RRP36: variants seen among roughly 807,000 people sequenced by gnomAD.
RRP36 encodes the protein ribosomal RNA processing protein 36 homolog.
In RRP36, 44 loss-of-function variants were observed where a neutral mutation model predicts 39.8. That is an observed-to-expected ratio of 1.10 (90% confidence interval 0.87 to 1.42). The LOEUF is 1.42. Ranked by LOEUF, RRP36 falls within the 40% of genes most tolerant of loss-of-function variation. The pLI is 0.00. For missense variants in RRP36, 316 were observed against 322.4 expected (o/e 0.98, Z 0.15); for synonymous variants, 124 against 123.1 (o/e 1.01, Z -0.05).
intron 1 of RRP36, among the ~76,000 whole-genome samples, chr6:43,023,007 C>T (rs1440186078): frequency 2.6e-5 from 4 of 152,302 alleles, no homozygotes; most frequent in East Asian, 3.9e-4. Context: ...CTCAGCCTCC[C>T]AAGGATTACA....
intron 6 of RRP36, 78 bp downstream of exon 6, chr6:43,027,555 C>T: frequency 8.5e-7 from 1 of 1,173,668 alleles, no homozygotes; most frequent in South Asian, 1.4e-5. Flanking sequence ...TGGGGTGTCC[C>T]TGATCCCCTT....
chr6:43,026,660 A>G (rs1326987273), intron 4 of RRP36, among the ~76,000 whole-genome samples: 1 of 148,758 alleles, frequency 6.7e-6, no homozygotes, highest in African/African-American at 2.4e-5. Flanking sequence ...GCAGCAGGGC[A>G]AGACTGTCTC....
intron 6 of RRP36, among the ~76,000 whole-genome samples, chr6:43,028,258 A>G (rs1208974689): frequency 6.6e-6 from 1 of 151,906 alleles, no homozygotes; most frequent in Admixed American, 6.6e-5. Context: ...TGAGCCCGGG[A>G]GGTGGAGGTT....
At chr6:43,025,427 A>G in intron 3 of RRP36, 98 bp downstream of exon 3, 1 of 1,037,844 alleles carries the variant, frequency 9.6e-7, no homozygotes, top group African/African-American at 1.6e-5. Flanking sequence ...TTCCAAGACC[A>G]GCATGGCCAA....
chr6:43,027,762 TACACACACACACACACACACAC>T (rs57851236), intron 6 of RRP36, among the ~76,000 whole-genome samples: 17 of 81,696 alleles, frequency 2.1e-4, no homozygotes, highest in Middle Eastern at 8.1e-3. Flanking sequence ...TGGTCTACAC[TACACACACACACACACACACAC>T]ACACACACAC....
chr6:43,029,534 T>G lies in RRP36; in HGVS notation c.*306T>G, dbSNP rs567692482. 46 of 273,878 alleles carry G rather than the reference T, an allele frequency of 1.7e-4. No homozygotes were observed. The highest frequency in any genetic ancestry group is 6.5e-4 in the South Asian group (6 of 9,264). The allele number at this position is 273,878 out of a possible 1,614,324, so 17.0% of individuals were successfully genotyped here. On this transcript the variant is annotated 3_prime_UTR_variant, in exon 7 of 7. Coordinates refer to ENST00000244496, the MANE Select transcript of RRP36 (RefSeq NM_033112.4). ...AGGGGCCAATGAAAACCATGGAGTC[T>G]GTTCGTGACTCCCAGGGCTGGGACA...
At chr6:43,026,957 T>G (rs962813089) in intron 4 of RRP36, among the ~76,000 whole-genome samples, 10 of 151,796 alleles carry the variant, frequency 6.6e-5, no homozygotes, top group Admixed American at 2.0e-4. Flanking sequence ...TCCCAGCTAC[T>G]TGGGAGGCTG....
In RRP36 at chr6:43,025,243, G is replaced by A. The variant is rs771784692; in HGVS notation, c.279-20G>A. 1 of 1,614,020 alleles carries A rather than the reference G, an allele frequency of 6.2e-7. No individual in the cohort carries two copies. Among genetic ancestry groups the A allele is most frequent in the Non-Finnish European group, 8.5e-7 (1 of 1,179,936 alleles). ...ACCAACACTGGAGTCCTCTTGACTT[G>A]GCTTTTAATTTCTCCATAGGCCTCT... On this transcript the variant is annotated intron_variant, in intron 2 of 6. Transcript: ENST00000244496.
chr6:43,027,523 C>A, intron 6 of RRP36, 46 bp downstream of exon 6: 1 of 1,494,992 alleles, frequency 6.7e-7, no homozygotes, highest in Non-Finnish European at 9.3e-7. Context: ...GGTGCAGGGG[C>A]CATGGTGGTA....
intron 3 of RRP36, among the ~76,000 whole-genome samples, chr6:43,025,688 T>C (rs1038624966): frequency 6.6e-6 from 1 of 151,246 alleles, no homozygotes; most frequent in African/African-American, 2.4e-5. Flanking sequence ...TCCCAGCACT[T>C]TGGAAGGCCA....
At chr6:43,024,062 C>T (rs78029151) in intron 1 of RRP36, among the ~76,000 whole-genome samples, 2 of 151,988 alleles carry the variant, frequency 1.3e-5, no homozygotes, top group Admixed American at 6.6e-5. Flanking sequence ...CCATGTTGAC[C>T]GGGCTGGTCT....
intron 1 of RRP36, among the ~76,000 whole-genome samples, chr6:43,023,957 A>G (rs1762769988): frequency 6.6e-6 from 1 of 151,342 alleles, no homozygotes; most frequent in South Asian, 2.1e-4. Context: ...CCCAGGTTCA[A>G]GCTCTTCTCC....
At chr6:43,025,825 C>A (rs1038252164) in intron 3 of RRP36, among the ~76,000 whole-genome samples, 3 of 151,676 alleles carry the variant, frequency 2.0e-5, no homozygotes, top group Non-Finnish European at 2.9e-5. Flanking sequence ...CCTAGCTACT[C>A]AGGAGGCTGA....
intron 1 of RRP36, among the ~76,000 whole-genome samples, chr6:43,022,942 T>G (rs1372887546): frequency 2.6e-5 from 4 of 151,854 alleles, no homozygotes; most frequent in Non-Finnish European, 4.4e-5. Flanking sequence ...GGTCTCATCA[T>G]GTTACCAGGT....
chr6:43,024,883 TG>T (rs1762782848), intron 1 of RRP36, 101 bp from the exon 2 acceptor site: 3 of 1,349,346 alleles, frequency 2.2e-6, no homozygotes, highest in East Asian at 2.3e-5. Context: ...ATTGGTCTGA[TG>T]GGGTATTAGG....
chr6:43,022,507 G>A (rs1489578582), intron 1 of RRP36, among the ~76,000 whole-genome samples: 1 of 151,990 alleles, frequency 6.6e-6, no homozygotes, highest in Non-Finnish European at 1.5e-5. Flanking sequence ...TCGAACTCCC[G>A]GGCCCAAGAG....
intron 6 of RRP36, among the ~76,000 whole-genome samples, chr6:43,028,225 G>A (rs1469567654): frequency 6.6e-6 from 1 of 152,056 alleles, no homozygotes; most frequent in African/African-American, 2.4e-5. Flanking sequence ...AGCTACTCAG[G>A]AGGCTGAGGC....
At chr6:43,027,324 T>TC (rs755289113) in intron 5 of RRP36, 36 bp from the exon 6 acceptor site, 1 of 1,610,286 alleles carries the variant, frequency 6.2e-7, no homozygotes, top group Non-Finnish European at 8.5e-7. Flanking sequence ...TCTGAACAGA[T>TC]CCCTCCCGTT....
At chr6:43,023,058 G>A (rs749194705) in intron 1 of RRP36, among the ~76,000 whole-genome samples, 22 of 152,138 alleles carry the variant, frequency 1.4e-4, no homozygotes, top group South Asian at 2.1e-4. Flanking sequence ...TTTTTGTTAA[G>A]GCACAGTTCT....
Sources: gnomAD v4.1 joint callset for allele counts (sites outside exome capture counted in the v4.1 genomes callset) on GRCh38, gnomAD v4.1.1 for gene constraint, MANE v1.5 for transcripts, NCBI Gene and HGNC (gene_info 2026-07-23, HGNC 2026-07-21) for gene names.